Variants in ZNF618 observed in about 807,000 individuals in gnomAD.
The protein encoded by ZNF618 is zinc finger protein 618, also known as neural precursor cell expressed, developmentally down-regulated 10.
ZNF618 carries 34 observed loss-of-function variants against 103.0 expected under a neutral mutation model. That is an observed-to-expected ratio of 0.33 (90% CI 0.25 to 0.44). ZNF618 has a LOEUF of 0.44. Among genes scored for constraint, ZNF618 ranks in the 20% least tolerant of loss-of-function variants. The pLI is 1.00. For missense variants in ZNF618, 1,059 were observed against 1,295.4 expected, an observed-to-expected ratio of 0.82 and a Z score of 2.80; for synonymous variants, 551 against 542.2, an observed-to-expected ratio of 1.02 and a Z score of -0.23.
chr9:113,951,591 G>GTGTA (rs1331671055), intron 1 of ZNF618, among the ~76,000 whole-genome samples: 7 of 107,694 alleles, frequency 6.5e-5, no homozygotes, highest in Non-Finnish European at 1.3e-4. Flanking sequence ...GTGTGTGTGT[G>GTGTA]TGTGTGTATA....
intron 5 of ZNF618, 41 bp from the exon 6 acceptor site, chr9:114,002,583 C>G (rs763514190): frequency 1.9e-6 from 3 of 1,599,550 alleles, no homozygotes; most frequent in South Asian, 1.1e-5. Flanking sequence ...TGTCATTGGC[C>G]CGGTAGCCCC....
intron 1 of ZNF618, among the ~76,000 whole-genome samples, chr9:113,883,918 G>C (rs1459563947): frequency 6.7e-6 from 1 of 148,848 alleles, no homozygotes; most frequent in East Asian, 2.0e-4. Flanking sequence ...TTGTCCTCCT[G>C]GTGGGGAGGA....
rs1354344998 is a variant in ZNF618, at chr9:114,028,736, C to T, written c.848C>T (p.Thr283Ile). The T allele has an allele frequency of 6.5e-7, 1 of 1,549,986 alleles. No individual in the cohort carries two copies. Among genetic ancestry groups the T allele is most frequent in the South Asian group, 1.2e-5 (1 of 84,034 alleles). The stretch of plus-strand genomic sequence containing the variant: ...ACTGAGAGCGTGACCCTCTCAGGTA[C>T]TGCCCCCGGGTGGGAGCCACCGGAT... The part of the protein sequence containing the change: ...EHVALHAPIS[T>I]APGWEPPDDP... The change falls in exon 11 of 15, where the codon ACT becomes ATT. Residue 283 changes from threonine to isoleucine, a missense_variant. Physicochemically the swap from Thr to Ile is moderately conservative, Grantham distance 89. Coordinates refer to ENST00000374126, the MANE Select transcript of ZNF618 (RefSeq NM_001318042.2).
rs76023041 is a variant in ZNF618 at position 113,955,448 on chromosome 9, G to T, written c.34-13669G>T. 7.0e-3 allele frequency among the ~76,000 whole-genome samples: 1,064 copies of T among 152,264 alleles called. 15 individuals carry two copies. The highest frequency in any genetic ancestry group is 0.024 in the African/African-American group (997 of 41,544). ...TGGGCCTCTCATTTTGTAGGAATAT[G>T]AGTGATTCCTTCCTTTCCAGCTGTG... On this transcript the variant is annotated intron_variant, in intron 1 of 14. Coordinates refer to ENST00000374126, the MANE Select transcript of ZNF618 (RefSeq NM_001318042.2).
chr9:114,015,041 A>G (rs962881270), intron 9 of ZNF618, among the ~76,000 whole-genome samples: 7 of 152,242 alleles, frequency 4.6e-5, no homozygotes, highest in Non-Finnish European at 8.8e-5. Flanking sequence ...CAGAGCAAGT[A>G]GACAAACAAG....
At chr9:113,901,827 G>A (rs1374001808) in intron 1 of ZNF618, among the ~76,000 whole-genome samples, 1 of 152,060 alleles carries the variant, frequency 6.6e-6, no homozygotes, top group Non-Finnish European at 1.5e-5. Flanking sequence ...CCAAACTCCT[G>A]TTCTCCGGAC....
intron 1 of ZNF618, among the ~76,000 whole-genome samples, chr9:113,883,982 GCCCCCCC>G (rs558766678): frequency 4.1e-3 from 121 of 29,700 alleles, no homozygotes; most frequent in East Asian, 0.012. Context: ...TCTGGGCTTG[GCCCCCCC>G]CCCCCCCCCC....
At chr9:114,039,336 G>GTTT (rs1415621409) in intron 13 of ZNF618, among the ~76,000 whole-genome samples, 166 of 133,030 alleles carry the variant, frequency 1.2e-3, no homozygotes, top group African/African-American at 4.3e-3. Flanking sequence ...TTTCTTTCTT[G>GTTT]TTTGTTTTTT....
chr9:113,944,116 C>G (rs1193040534), intron 1 of ZNF618, among the ~76,000 whole-genome samples: 2 of 152,192 alleles, frequency 1.3e-5, no homozygotes, highest in African/African-American at 4.8e-5. Context: ...GGAATTTCCC[C>G]TCTTTCTACC....
chr9:113,934,437 C>T (rs151301294), intron 1 of ZNF618, among the ~76,000 whole-genome samples: 1 of 152,226 alleles, frequency 6.6e-6, no homozygotes, highest in East Asian at 1.9e-4. Flanking sequence ...ATTACACGAA[C>T]CTCCTCTGTG....
intron 1 of ZNF618, among the ~76,000 whole-genome samples, chr9:113,938,668 A>G (rs1430947996): frequency 6.8e-6 from 1 of 146,466 alleles, no homozygotes; most frequent in Non-Finnish European, 1.5e-5. Context: ...TTCTGGGTTC[A>G]AGCTATTCTT....
intron 1 of ZNF618, among the ~76,000 whole-genome samples, chr9:113,936,256 C>G (rs917093123): frequency 1.3e-5 from 2 of 152,170 alleles, no homozygotes; most frequent in African/African-American, 4.8e-5. Flanking sequence ...TTACCATGGG[C>G]CACTCACTCC....
intron 1 of ZNF618, among the ~76,000 whole-genome samples, chr9:113,963,499 G>C (rs1837059174): frequency 6.6e-6 from 1 of 152,138 alleles, no homozygotes; most frequent in African/African-American, 2.4e-5. Flanking sequence ...CCTTCCATAA[G>C]GGTGCAGAGA....
At chr9:114,021,872 C>T (rs1843095402) in intron 10 of ZNF618, among the ~76,000 whole-genome samples, 2 of 152,174 alleles carry the variant, frequency 1.3e-5, no homozygotes, top group East Asian at 3.9e-4. Context: ...TTCTTTCACT[C>T]TGCATAATTA....
At chr9:113,957,818 T>TC (rs78244893) in intron 1 of ZNF618, among the ~76,000 whole-genome samples, 257 of 151,882 alleles carry the variant, frequency 1.7e-3, no homozygotes, top group African/African-American at 6.0e-3. Flanking sequence ...TTTTTTTTTT[T>TC]TACCCCCAAC....
chr9:114,009,962 C>T (rs186995294), intron 9 of ZNF618, among the ~76,000 whole-genome samples: 1 of 152,324 alleles, frequency 6.6e-6, no homozygotes, highest in Admixed American at 6.5e-5. Flanking sequence ...CAGCACAGTG[C>T]TGTCACATGC....
At chr9:113,896,468 T>A (rs1319105255) in intron 1 of ZNF618, among the ~76,000 whole-genome samples, 5 of 152,098 alleles carry the variant, frequency 3.3e-5, no homozygotes, top group Admixed American at 2.6e-4. Context: ...AATAATAGTT[T>A]TTGCTTTTTG....
intron 1 of ZNF618, among the ~76,000 whole-genome samples, chr9:113,921,105 T>G (rs1221657461): frequency 6.6e-6 from 1 of 152,244 alleles, no homozygotes; most frequent in Non-Finnish European, 1.5e-5. Flanking sequence ...TTTGCTATTT[T>G]AAAAAGTTAC....
At chr9:113,991,693 G>A (rs1321438141) in intron 3 of ZNF618, among the ~76,000 whole-genome samples, 1 of 152,224 alleles carries the variant, frequency 6.6e-6, no homozygotes, top group Non-Finnish European at 1.5e-5. Flanking sequence ...GGTATTAGAA[G>A]ACAGGGATTC....
Sources: gnomAD v4.1 joint callset for allele counts (sites outside exome capture counted in the v4.1 genomes callset) on GRCh38, gnomAD v4.1.1 for gene constraint, MANE v1.5 for transcripts, NCBI Gene and HGNC (gene_info 2026-07-23, HGNC 2026-07-21) for gene names.